Variants in POMGNT2 observed in about 807,000 individuals in gnomAD.
The protein encoded by POMGNT2 is protein O-linked mannose N-acetylglucosaminyltransferase 2 (beta 1,4-).
Under a neutral mutation model 37.8 loss-of-function variants are expected in POMGNT2, and 32 were observed. The observed-to-expected ratio is 0.85, with a 90% CI of 0.64 to 1.14. The LOEUF is 1.14. Among genes scored for constraint, POMGNT2 ranks in the 50% most tolerant of loss-of-function variants. The pLI is 0.00. For synonymous variants in POMGNT2, 340 were observed against 336.8 expected (o/e 1.01, Z -0.10); for missense variants, 705 against 780.6 (o/e 0.90, Z 1.15).
At chr3:43,095,381 C>A (rs2089972405) in intron 1 of POMGNT2, among the ~76,000 whole-genome samples, 1 of 152,248 alleles carries the variant, frequency 6.6e-6, no homozygotes, top group South Asian at 2.1e-4. Context: ...TCTGGGCTTA[C>A]AGAGCCTCCA....
At position 43,098,451 on chromosome 3, in the gene POMGNT2, G is replaced by A. The variant is rs927925381; in HGVS notation, c.-106+7385C>T. Among the ~76,000 whole-genome samples the A allele has an allele frequency of 6.6e-6, 1 of 152,024 alleles. No individual in the cohort carries two copies. Among genetic ancestry groups the A allele is most frequent in the African/African-American group, 2.4e-5 (1 of 41,360 alleles). ...AATTAAATATTAACCTAATGCTATT[G>A]ATAAATTCGGCATTTATAGATCAGG... On this transcript the variant is annotated intron_variant, in intron 1 of 1. Coordinates refer to ENST00000344697, the MANE Select transcript of POMGNT2 (RefSeq NM_032806.6). The surrounding 1 kb of genome is among the most constrained non-coding windows in gnomAD (Gnocchi z 4.3).
In POMGNT2 at chr3:43,080,064, G is replaced by A. The variant is rs746969687; in HGVS notation, c.1368C>T (p.Ser456=). ...CCACGCGCCGTATGGTTTGAATGAGGGACGGGATGTCCACCTTGGTGTCCT... is the reference window on the plus strand; with the variant it reads ...CCACGCGCCGTATGGTTTGAATGAGAGACGGGATGTCCACCTTGGTGTCCT... The part of the protein sequence containing the change: ...IYQDTKVDIP[S]LIQTIRRVVK... Residue 456 remains serine (S), a synonymous_variant, in exon 2 of 2, where the codon TCC becomes TCT. Coordinates refer to ENST00000344697, the MANE Select transcript of POMGNT2 (RefSeq NM_032806.6). 6 of 1,613,794 alleles carry A rather than the reference G, an allele frequency of 3.7e-6. No individual in the cohort carries two copies. The African/African-American group carries it at 5.3e-5, about 14-fold the overall frequency.
chr3:43,089,041 C>T (rs915721211), intron 1 of POMGNT2, among the ~76,000 whole-genome samples: 1 of 152,172 alleles, frequency 6.6e-6, no homozygotes, highest in Non-Finnish European at 1.5e-5. Context: ...CATCAGTTTC[C>T]CCTGGACTCT....
At chr3:43,082,965 C>T (rs2089868285) in intron 1 of POMGNT2, among the ~76,000 whole-genome samples, 1 of 152,144 alleles carries the variant, frequency 6.6e-6, no homozygotes, top group African/African-American at 2.4e-5. Context: ...CCATGTGTAG[C>T]CTTCCTCCCA....
At chr3:43,099,922 A>G (rs2125711460) in intron 1 of POMGNT2, among the ~76,000 whole-genome samples, 1 of 152,316 alleles carries the variant, frequency 6.6e-6, no homozygotes, top group African/African-American at 2.4e-5. Context: ...TCACTTTGCA[A>G]TGATAATCTT....
intron 1 of POMGNT2, among the ~76,000 whole-genome samples, chr3:43,089,329 G>A (rs2089924200): frequency 6.6e-6 from 1 of 152,204 alleles, no homozygotes; most frequent in South Asian, 2.1e-4. Context: ...TATCTGAACA[G>A]TACAAAGGCA....
In POMGNT2 at chr3:43,081,420, CGA is replaced by C. The variant is rs2089855620; in HGVS notation, c.10_11del (p.Ser4GlyfsTer23). The C allele has an allele frequency of 1.3e-6, 2 of 1,571,152 alleles. No homozygotes were observed. Among genetic ancestry groups the C allele is most frequent in the East Asian group, 2.3e-5 (1 of 44,404 alleles). On this transcript the variant is annotated frameshift_variant, in exon 2 of 2. Coordinates refer to ENST00000344697, the MANE Select transcript of POMGNT2 (RefSeq NM_032806.6). LOFTEE classifies it high-confidence loss of function. ...ACACCAGGAGGGCGTTGAACACCGCCGAGAGGTGCATCCTAATGCCACTGTGG... is the reference window on the plus strand; with the variant it reads ...ACACCAGGAGGGCGTTGAACACCGCCGAGGTGCATCCTAATGCCACTGTGG... MHL[S>X]AVFNALLVSV... is the part of the protein sequence containing the mutation.
At chr3:43,085,470 C>T (rs1236862746) in intron 1 of POMGNT2, among the ~76,000 whole-genome samples, 1 of 138,680 alleles carries the variant, frequency 7.2e-6, no homozygotes, top group East Asian at 1.9e-4. Context: ...CTCACTAGAT[C>T]TGATAGTTTT....
At chr3:43,087,648 G>A (rs1451183649) in intron 1 of POMGNT2, 1 of 152,172 alleles carries the variant, frequency 6.6e-6, no homozygotes, top group Non-Finnish European at 1.5e-5. Context: ...TATCTAGGAC[G>A]GTCAGAACAC....
chr3:43,106,062 C>G lies in POMGNT2; in HGVS notation c.-332G>C, dbSNP rs1249790691. ...CCGTGCGCCTGCCCGGCGGGCGAGC[C>G]CGGCGCGGAGCCTGTGCGCCTGCGC... On this transcript the variant is annotated 5_prime_UTR_variant, in exon 1 of 2. Coordinates refer to ENST00000344697, the MANE Select transcript of POMGNT2 (RefSeq NM_032806.6). 2 of 151,694 alleles carry G rather than the reference C, an allele frequency of 1.3e-5. No homozygotes were observed. The highest frequency in any genetic ancestry group is 2.9e-5 in the Non-Finnish European group (2 of 67,874). The allele number at this position is 151,694 out of a possible 1,614,324, so 9.4% of individuals were successfully genotyped here.
rs2090057791 is a variant in POMGNT2 at position 43,106,035 on chromosome 3, C to G, written c.-305G>C. The G allele has an allele frequency of 6.6e-6, 1 of 151,604 alleles. No individual in the cohort carries two copies. Among genetic ancestry groups the G allele is most frequent in the South Asian group, 2.1e-4 (1 of 4,822 alleles). The allele number at this position is 151,604 out of a possible 1,614,324, so 9.4% of individuals were successfully genotyped here. On this transcript the variant is annotated 5_prime_UTR_variant, in exon 1 of 2. Transcript: ENST00000344697. ...CGCCACCTCCAGGCTCGCAGGTGTC[C>G]GCCGTGCGCCTGCCCGGCGGGCGAG...
intron 1 of POMGNT2, among the ~76,000 whole-genome samples, chr3:43,105,141 C>T (rs1011189318): frequency 2.0e-5 from 3 of 152,242 alleles, no homozygotes; most frequent in Non-Finnish European, 4.4e-5. Context: ...TCGCCCTGCA[C>T]CTGGTGCAAG....
intron 1 of POMGNT2, among the ~76,000 whole-genome samples, chr3:43,082,834 G>T (rs2089867346): frequency 6.6e-6 from 1 of 152,222 alleles, no homozygotes; most frequent in Non-Finnish European, 1.5e-5. Flanking sequence ...TCAGGGGCAA[G>T]GATTTGAATC....
At chr3:43,084,418 G>A (rs1220566566) in intron 1 of POMGNT2, among the ~76,000 whole-genome samples, 1 of 152,086 alleles carries the variant, frequency 6.6e-6, no homozygotes, top group African/African-American at 2.4e-5. Flanking sequence ...GGCCAAGGCG[G>A]GTGGATCACG....
chr3:43,081,323 C>T lies in POMGNT2; in HGVS notation c.109G>A (p.Ala37Thr), dbSNP rs1335685375. Residue 37 changes from alanine (A) to threonine (T), a missense_variant, in exon 2 of 2, where the codon GCC becomes ACC. Ala to Thr is a moderately conservative substitution (Grantham distance 58, BLOSUM62 0). Coordinates refer to ENST00000344697, the MANE Select transcript of POMGNT2 (RefSeq NM_032806.6). ...EHAATLEEEL[A>T]LSRQATEPAP... ...GGCTCTGTGGCCTGTCGGCTGAGGG[C>T]CAGCTCCTCCTCCAGTGTGGCTGCA... 6.2e-7 allele frequency: 1 copy of T among 1,611,544 alleles called. No homozygotes were observed. The highest frequency in any genetic ancestry group is 1.3e-5 in the African/African-American group (1 of 75,052).
Position 43,079,474 on chromosome 3 carries a change from T to C in POMGNT2, c.*215A>G. 1.9e-6 allele frequency: 1 copy of C among 525,940 alleles called. No homozygotes were observed. Among genetic ancestry groups the C allele is most frequent in the Non-Finnish European group, 3.3e-6 (1 of 300,876 alleles). The allele number at this position is 525,940 out of a possible 1,614,324, so 32.6% of individuals were successfully genotyped here. On this transcript the variant is annotated 3_prime_UTR_variant, in exon 2 of 2. Transcript: ENST00000344697. The stretch of plus-strand genomic sequence containing the variant: ...CCCTGCTAAGGAACTTCTCCAGGGG[T>C]ACAAATGTTCAGGATGGGAGAAGGG...
chr3:43,079,422 T>C lies in POMGNT2; in HGVS notation c.*267A>G. The C allele has an allele frequency of 4.6e-6, 2 of 430,704 alleles. No individual in the cohort carries two copies. Among genetic ancestry groups the C allele is most frequent in the Non-Finnish European group, 8.2e-6 (2 of 243,094 alleles). The allele number at this position is 430,704 out of a possible 1,614,324, so 26.7% of individuals were successfully genotyped here. A position where few individuals can be genotyped will look rare whatever the true frequency, so the allele number is the denominator to read the frequency against. On this transcript the variant is annotated 3_prime_UTR_variant, in exon 2 of 2. Transcript: ENST00000344697. ...CCTAGCCAGAGGTTCCTTGTGATTCTTTGCTTCCTCCTCTCCTCTTCCTCC... is the reference window on the plus strand; with the variant it reads ...CCTAGCCAGAGGTTCCTTGTGATTCCTTGCTTCCTCCTCTCCTCTTCCTCC...
intron 1 of POMGNT2, among the ~76,000 whole-genome samples, chr3:43,099,398 T>C (rs1183594509): frequency 1.3e-5 from 2 of 152,196 alleles, no homozygotes; most frequent in African/African-American, 4.8e-5. Context: ...TGAGCATCTC[T>C]GTTATGTGTC....
chr3:43,105,332 T>C (rs2125714249), intron 1 of POMGNT2, among the ~76,000 whole-genome samples: 1 of 152,288 alleles, frequency 6.6e-6, no homozygotes, highest in South Asian at 2.1e-4. Flanking sequence ...GGTGCCCTAC[T>C]GGCCCCCAAA....
Sources: allele counts gnomAD v4.1 joint callset (sites outside exome capture counted in the v4.1 genomes callset), GRCh38; gene constraint gnomAD v4.1.1; non-coding constraint Gnocchi (gnomAD v3.1); transcripts MANE v1.5; gene names NCBI Gene and HGNC (gene_info 2026-07-23, HGNC 2026-07-21).